CSMD1: variants seen among roughly 807,000 people sequenced by gnomAD.
CSMD1 encodes CUB and sushi domain-containing protein 1.
A neutral mutation model predicts 417.5 loss-of-function variants in CSMD1; 213 were observed. The ratio of observed to expected loss-of-function variants is 0.51; its 90% CI spans 0.46 to 0.57. CSMD1 has a LOEUF of 0.57. CSMD1 is among the 20% of genes least tolerant of loss of function. The pLI, the probability that CSMD1 is intolerant of heterozygous loss-of-function variation, is 0.00. For synonymous variants in CSMD1, 2,862 were observed against 1,736.8 expected (o/e 1.65, Z -16.11); for missense variants, 6,923 against 4,529.7 (o/e 1.53, Z -15.17).
At chr8:3,661,884 T>G (rs2117457461) in intron 7 of CSMD1, among the ~76,000 whole-genome samples, 1 of 152,122 alleles carries the variant, frequency 6.6e-6, no homozygotes, top group Middle Eastern at 3.4e-3. Context: ...CACATAGGAT[T>G]TGTACAGGAA....
intron 25 of CSMD1, among the ~76,000 whole-genome samples, chr8:3,303,900 C>G (rs114330467): frequency 0.013 from 1,969 of 152,146 alleles, 41 homozygotes; most frequent in African/African-American, 0.045. Flanking sequence ...AGAAATTCTT[C>G]CAGACCCAAG....
At chr8:4,161,890 A>T (rs1423872016) in intron 3 of CSMD1, among the ~76,000 whole-genome samples, 3 of 152,334 alleles carry the variant, frequency 2.0e-5, no homozygotes, top group African/African-American at 7.2e-5. Flanking sequence ...ATAATGGTTC[A>T]GTAAGTCAAG....
At chr8:3,836,700 T>C (rs935828592) in intron 5 of CSMD1, among the ~76,000 whole-genome samples, 2 of 152,120 alleles carry the variant, frequency 1.3e-5, no homozygotes, top group African/African-American at 4.8e-5. Flanking sequence ...TGGTTAGAAT[T>C]GGGAAAATAA....
At chr8:3,263,824 T>C (rs1039082040) in intron 26 of CSMD1, among the ~76,000 whole-genome samples, 8 of 152,232 alleles carry the variant, frequency 5.3e-5, no homozygotes, top group Non-Finnish European at 1.0e-4. Flanking sequence ...GCTTTCATCA[T>C]GTGAAGATTA....
intron 41 of CSMD1, among the ~76,000 whole-genome samples, chr8:3,136,672 A>G (rs747330452): frequency 6.6e-6 from 1 of 152,132 alleles, no homozygotes; most frequent in Non-Finnish European, 1.5e-5. Flanking sequence ...CCCAGGGTAC[A>G]CTCAGAGCTG....
In CSMD1 at chr8:3,387,625, C is replaced by A; in HGVS notation, c.2651G>T (p.Arg884Leu). 1.2e-6 allele frequency: 2 copies of A among 1,600,386 alleles called. No homozygotes were observed. Among genetic ancestry groups the A allele is most frequent in the Non-Finnish European group, 1.7e-6 (2 of 1,173,356 alleles). The change falls in exon 18 of 70, where the codon CGC (arginine) becomes CTC (leucine). Residue 884 changes from arginine (R) to leucine (L), a missense_variant. Transcript: ENST00000635120. ...LDPGIPVNGH[R>L]HGGDFGIRST... Reference sequence around the variant, plus strand: ...CCTGATGCCAAAGTCTCCACCGTGGCGATGGCCGTTCACAGGGATGCCCGG... The same window carrying A: ...CCTGATGCCAAAGTCTCCACCGTGGAGATGGCCGTTCACAGGGATGCCCGG...
intron 1 of CSMD1, among the ~76,000 whole-genome samples, chr8:4,952,027 T>C (rs1044818705): frequency 6.0e-5 from 9 of 151,192 alleles, no homozygotes; most frequent in South Asian, 4.1e-4. Context: ...AATATAGAAA[T>C]ACATATATAT....
chr8:3,218,560 C>CAAAAAAAAAAAAA (rs375544620), intron 29 of CSMD1, among the ~76,000 whole-genome samples: 1 of 128,660 alleles, frequency 7.8e-6, no homozygotes, highest in Non-Finnish European at 1.6e-5. Flanking sequence ...GACTCCATCT[C>CAAAAAAAAAAAAA]AAAAATAAAA....
chr8:4,595,387 C>CTTTTTTTTTTTTTTTCTTTTTTTTTTT, intron 2 of CSMD1, among the ~76,000 whole-genome samples: 22 of 147,408 alleles, frequency 1.5e-4, no homozygotes, highest in African/African-American at 3.9e-4. Flanking sequence ...CATTCATTTT[C>CTTTTTTTTTTTTTTTCTTTTTTTTTTT]ATTCCATCCA....
At chr8:4,713,995 A>AT (rs1304067576) in intron 1 of CSMD1, among the ~76,000 whole-genome samples, 3 of 152,114 alleles carry the variant, frequency 2.0e-5, no homozygotes, top group Non-Finnish European at 2.9e-5. Flanking sequence ...AACTACAAAA[A>AT]TTAGCCAAGC....
intron 11 of CSMD1, among the ~76,000 whole-genome samples, chr8:3,487,612 A>G (rs79184141): frequency 0.019 from 2,829 of 152,274 alleles, 104 homozygotes; most frequent in African/African-American, 0.064. Flanking sequence ...TTGGTGTATA[A>G]ATATTTAGAA....
chr8:4,641,364 G>C (rs904097909), intron 1 of CSMD1, among the ~76,000 whole-genome samples: 2 of 152,050 alleles, frequency 1.3e-5, no homozygotes, highest in African/African-American at 4.8e-5. Context: ...CAGAGAGTTA[G>C]TTTTTTTGCA....
chr8:4,904,355 T>C lies in CSMD1; in HGVS notation c.85+89977A>G, dbSNP rs142276686. Among the ~76,000 whole-genome samples, 1,409 of 152,344 alleles carry C rather than the reference T, an allele frequency of 9.2e-3. 16 individuals are homozygous for C. The highest frequency in any genetic ancestry group is 0.028 in the African/African-American group (1,156 of 41,568). ...TCTATGAGTATTTATGCCTACAGCA[T>C]GCAAGAAGGTTGGGTTTTAAATTTC... is the stretch of plus-strand genomic sequence containing the variant. On this transcript the variant is annotated intron_variant, in intron 1 of 69. Coordinates refer to ENST00000635120, the MANE Select transcript of CSMD1 (RefSeq NM_033225.6).
chr8:4,374,149 C>G (rs345148), intron 3 of CSMD1, among the ~76,000 whole-genome samples: 1 of 152,134 alleles, frequency 6.6e-6, no homozygotes, highest in East Asian at 1.9e-4. Context: ...ATAAGTACGT[C>G]CTTACCCTCC....
rs562365169 is a variant in CSMD1 at position 4,323,120 on chromosome 8, T to C, written c.415+96833A>G. Among the ~76,000 whole-genome samples the C allele has an allele frequency of 9.8e-5, 15 of 152,360 alleles. No individual in the cohort carries two copies. The South Asian group carries it at 1.4e-3, about 15-fold the overall frequency. On this transcript the variant is annotated intron_variant, in intron 3 of 69. Coordinates refer to ENST00000635120, the MANE Select transcript of CSMD1 (RefSeq NM_033225.6). The stretch of plus-strand genomic sequence containing the variant: ...TCATATGATTTTAATGAGACATTAA[T>C]TGGTGGTTCCAAAGTTGTTTCCTCA...
intron 22 of CSMD1, among the ~76,000 whole-genome samples, chr8:3,344,435 A>T (rs1434068984): frequency 1.3e-5 from 2 of 152,184 alleles, no homozygotes; most frequent in Admixed American, 6.5e-5. Context: ...CTTCCTGCAC[A>T]CGTATCCCAG....
At chr8:3,234,004 C>A (rs745797126) in intron 26 of CSMD1, among the ~76,000 whole-genome samples, 5 of 152,154 alleles carry the variant, frequency 3.3e-5, no homozygotes, top group African/African-American at 4.8e-5. Flanking sequence ...TGTGTATTCT[C>A]CCCACTCTGT....
At chr8:4,093,973 G>GATAC (rs1554445800) in intron 3 of CSMD1, among the ~76,000 whole-genome samples, 15 of 145,758 alleles carry the variant, frequency 1.0e-4, no homozygotes, top group Non-Finnish European at 1.2e-4. Flanking sequence ...CAAATAGATA[G>GATAC]ATAGATAGAT....
Position 4,025,640 on chromosome 8 carries a change from A to G in CSMD1, c.610+6265T>C, listed in dbSNP as rs539525441. ...ACATGCCAATAATATACAATGAATA[A>G]GGTGAATTAAGAAAGACACAGATCT... On this transcript the variant is annotated intron_variant, in intron 4 of 69. Coordinates refer to ENST00000635120, the MANE Select transcript of CSMD1 (RefSeq NM_033225.6). 2.6e-5 allele frequency among the ~76,000 whole-genome samples: 4 copies of G among 152,340 alleles called. No homozygotes were observed. In the South Asian group the frequency reaches 8.3e-4, roughly 32 times the overall value.
Sources: gnomAD v4.1 joint callset for allele counts (sites outside exome capture counted in the v4.1 genomes callset) on GRCh38, gnomAD v4.1.1 for gene constraint, MANE v1.5 for transcripts, NCBI Gene and HGNC (gene_info 2026-07-23, HGNC 2026-07-21) for gene names.